The following KLHL4 variants were observed in gnomAD, a reference collection of about 807,000 sequenced individuals.
The protein encoded by KLHL4 is kelch-like protein 4.
KLHL4 carries 17 observed loss-of-function variants against 45.8 expected under a neutral mutation model. The observed-to-expected ratio is 0.37, with a 90% CI of 0.25 to 0.56. KLHL4 has a LOEUF of 0.56. KLHL4 is among the 20% of genes least tolerant of loss of function. KLHL4 has a pLI of 0.79. For missense variants in KLHL4, 544 were observed against 544.9 expected (o/e 1.00, Z 0.02); for synonymous variants, 224 against 189.9 (o/e 1.18, Z -1.47).
intron 1 of KLHL4, among the ~76,000 whole-genome samples, chrX:87,549,210 A>G (rs1300752028): frequency 1.8e-5 from 2 of 111,355 alleles, no homozygotes; most frequent in African/African-American, 6.5e-5. Context: ...CAATTTTAAA[A>G]AGGATACATA....
chrX:87,617,633 T>C (rs1277104630), intron 3 of KLHL4, among the ~76,000 whole-genome samples: 4 of 112,066 alleles, frequency 3.6e-5, no homozygotes, highest in African/African-American at 1.3e-4. Context: ...ATGATTAATA[T>C]AAGATTTAAA....
Position 87,667,678 on chromosome X carries a change from G to C in KLHL4, c.*1144G>C. 1 of 615,381 alleles carries C rather than the reference G, an allele frequency of 1.6e-6. No homozygotes were observed. Among genetic ancestry groups the C allele is most frequent in the Non-Finnish European group, 1.9e-6 (1 of 513,656 alleles). 50.7% of individuals were successfully genotyped at this position (615,381 alleles called of 1,213,427 possible). A position where few individuals can be genotyped will look rare whatever the true frequency, so the allele number is the denominator to read the frequency against. On this transcript the variant is annotated 3_prime_UTR_variant, in exon 11 of 11. Coordinates refer to ENST00000373119, the MANE Select transcript of KLHL4 (RefSeq NM_019117.5). ...TATGTGTAATTCTTCCATTTATTCT[G>C]TTTAATTATACAACTAAGATGAAAT...
intron 1 of KLHL4, among the ~76,000 whole-genome samples, chrX:87,574,110 T>C (rs556106911): frequency 8.9e-6 from 1 of 111,907 alleles, no homozygotes. Context: ...CTATTTGTAA[T>C]AGTAGGTAGC....
At chrX:87,518,345 C>T (rs1396301526) in intron 1 of KLHL4, 30 bp downstream of exon 1, 1 of 1,079,159 alleles carries the variant, frequency 9.3e-7, no homozygotes. Context: ...TAACTGAATG[C>T]CGTAACTTCA....
intron 1 of KLHL4, among the ~76,000 whole-genome samples, chrX:87,524,022 G>A (rs1230919524): frequency 9.0e-6 from 1 of 111,435 alleles, no homozygotes; most frequent in African/African-American, 3.3e-5. Context: ...ATTTTTTTGT[G>A]CAGAAGAATT....
intron 1 of KLHL4, among the ~76,000 whole-genome samples, chrX:87,525,974 A>T (rs149744739): frequency 0.02 from 2,272 of 111,349 alleles, 59 homozygotes; most frequent in African/African-American, 0.07. Flanking sequence ...CAGCAGCCAT[A>T]CTAAATACCT....
Position 87,668,503 on chromosome X carries a change from C to A in KLHL4, c.*1969C>A. On this transcript the variant is annotated 3_prime_UTR_variant, in exon 11 of 11. Transcript: ENST00000373119. ...GCTGCATTTAAAAATGGTGTTCAGGCCACTATGGCTGCTGTGGTTTGAATA... is the reference window on the plus strand; with the variant it reads ...GCTGCATTTAAAAATGGTGTTCAGGACACTATGGCTGCTGTGGTTTGAATA... 1 of 749,687 alleles carries A rather than the reference C, an allele frequency of 1.3e-6. No homozygotes were observed. The highest frequency in any genetic ancestry group is 1.6e-6 in the Non-Finnish European group (1 of 635,143). 61.8% of individuals were successfully genotyped at this position (749,687 alleles called of 1,213,427 possible). A position where few individuals can be genotyped will look rare whatever the true frequency, so the allele number is the denominator to read the frequency against.
intron 1 of KLHL4, among the ~76,000 whole-genome samples, chrX:87,568,144 CAG>C (rs1932253337): frequency 1.8e-5 from 2 of 109,528 alleles, no homozygotes; most frequent in African/African-American, 6.6e-5. Flanking sequence ...TTAATACAGG[CAG>C]AAAGTATAAT....
At chrX:87,622,138 A>T in intron 4 of KLHL4, 73 bp from the exon 5 acceptor site, 1 of 660,447 alleles carries the variant, frequency 1.5e-6, no homozygotes, top group Non-Finnish European at 2.4e-6. Context: ...AGAACATGAA[A>T]TTCTTTGATA....
At chrX:87,637,230 A>C (rs946682111) in intron 9 of KLHL4, among the ~76,000 whole-genome samples, 2 of 111,346 alleles carry the variant, frequency 1.8e-5, no homozygotes, top group Admixed American at 9.5e-5. Context: ...CAGAACAGAA[A>C]TAGCAATCAC....
At chrX:87,532,930 G>A (rs1211729972) in intron 1 of KLHL4, among the ~76,000 whole-genome samples, 1 of 109,724 alleles carries the variant, frequency 9.1e-6, no homozygotes, top group Non-Finnish European at 1.9e-5. Flanking sequence ...AGACATTTAT[G>A]CCGCCAAAAA....
chrX:87,638,917 C>G (rs1382308838), intron 9 of KLHL4, among the ~76,000 whole-genome samples: 4 of 111,303 alleles, frequency 3.6e-5, no homozygotes, highest in Admixed American at 9.6e-5. Flanking sequence ...TTGATAAGAA[C>G]TCACTAATTA....
intron 1 of KLHL4, among the ~76,000 whole-genome samples, chrX:87,519,605 C>T (rs1232568313): frequency 8.9e-6 from 1 of 112,079 alleles, no homozygotes; most frequent in Non-Finnish European, 1.9e-5. Flanking sequence ...TGAAATTTTC[C>T]TAAATATTTT....
At chrX:87,577,120 C>T (rs1466207699) in intron 1 of KLHL4, among the ~76,000 whole-genome samples, 1 of 111,836 alleles carries the variant, frequency 8.9e-6, no homozygotes, top group African/African-American at 3.2e-5. Context: ...GTAAGCTACA[C>T]TGCATTAGAT....
intron 1 of KLHL4, among the ~76,000 whole-genome samples, chrX:87,598,633 A>G (rs1921914610): frequency 9.0e-6 from 1 of 111,714 alleles, no homozygotes; most frequent in African/African-American, 3.2e-5. Flanking sequence ...AATCTAGGAA[A>G]GAGATAGAAC....
intron 9 of KLHL4, among the ~76,000 whole-genome samples, chrX:87,641,663 G>A (rs945865370): frequency 2.5e-4 from 28 of 111,171 alleles, no homozygotes; most frequent in Middle Eastern, 4.6e-3. Context: ...AGCCCGTCTC[G>A]TCCTCTACCT....
At chrX:87,566,420 A>G (rs867539697) in intron 1 of KLHL4, among the ~76,000 whole-genome samples, 1 of 111,810 alleles carries the variant, frequency 8.9e-6, no homozygotes, top group African/African-American at 3.2e-5. Flanking sequence ...AATGCAAATA[A>G]TACACCTACT....
rs1411510596 is a variant in KLHL4, at chrX:87,546,700, AAGC to A, written c.422+28389_422+28391del. ...CACAGACACTCAACACCAGCTGTGA[AAGC>A]AGCCAGGACTAAGGGCTGTACCCTG... On this transcript the variant is annotated intron_variant, in intron 1 of 10. Transcript: ENST00000373119. Among the ~76,000 whole-genome samples, 21 of 112,652 alleles carry A rather than the reference AAGC, an allele frequency of 1.9e-4. No homozygotes were observed. In the Admixed American group the frequency reaches 2.0e-3, roughly 11 times the overall value.
At chrX:87,619,864 ATGT>A (rs10691496) in intron 4 of KLHL4, among the ~76,000 whole-genome samples, 2 of 112,008 alleles carry the variant, frequency 1.8e-5, no homozygotes, top group African/African-American at 6.5e-5. Flanking sequence ...TGCTATAATA[ATGT>A]TGTTGCAGTA....
Sources: allele counts gnomAD v4.1 joint callset (sites outside exome capture counted in the v4.1 genomes callset), GRCh38; gene constraint gnomAD v4.1.1; transcripts MANE v1.5; gene names NCBI Gene and HGNC (gene_info 2026-07-23, HGNC 2026-07-21).